YWHAB: variants seen among roughly 807,000 people sequenced by gnomAD.
The protein encoded by YWHAB is 14-3-3 protein beta/alpha.
In YWHAB, 2 loss-of-function variants were observed where a neutral mutation model predicts 28.5. That is an observed-to-expected ratio of 0.07 (90% CI 0.03 to 0.22). The LOEUF is 0.22. Among genes scored for constraint, YWHAB ranks in the 10% least tolerant of loss-of-function variants. The pLI is 1.00. For synonymous variants in YWHAB, 103 were observed against 104.7 expected, an observed-to-expected ratio of 0.98 and a Z score of 0.10; for missense variants, 148 against 297.1, an observed-to-expected ratio of 0.50 and a Z score of 3.69.
Position 44,904,412 on chromosome 20 carries a change from G to A in YWHAB, c.424+296G>A, listed in dbSNP as rs77019878. On this transcript the variant is annotated intron_variant, in intron 3 of 5. Transcript: ENST00000353703. ...GTGAACTTTTTATACTTGGTGGTAC[G>A]AAACTACCCTAGTGATGCATTGCAT... is the stretch of plus-strand genomic sequence containing the variant. 1.3e-4 allele frequency among the ~76,000 whole-genome samples: 20 copies of A among 151,910 alleles called. No individual in the cohort carries two copies. The East Asian group carries it at 2.3e-3, about 18-fold the overall frequency.
At position 44,901,785 on chromosome 20, in the gene YWHAB, C is replaced by T. The variant is rs1373051145; in HGVS notation, c.252C>T (p.Tyr84=). The change falls in exon 2 of 6, where the codon TAC becomes TAT. Residue 84 remains tyrosine (Y), a synonymous_variant. Coordinates refer to ENST00000353703, the MANE Select transcript of YWHAB (RefSeq NM_139323.4). ...NEKKQQMGKE[Y]REKIEAELQD... is the part of the protein sequence containing the mutation. Reference sequence around the variant, plus strand: ...AGAAGCAGCAGATGGGCAAAGAGTACCGTGAGAAGATAGAGGCAGAACTGC... The same window carrying T: ...AGAAGCAGCAGATGGGCAAAGAGTATCGTGAGAAGATAGAGGCAGAACTGC... The T allele has an allele frequency of 6.2e-7, 1 of 1,611,092 alleles. No homozygotes were observed. Among genetic ancestry groups the T allele is most frequent in the Non-Finnish European group, 8.5e-7 (1 of 1,177,540 alleles).
At chr20:44,902,983 G>C in intron 2 of YWHAB, 3 of 916,662 alleles carry the variant, frequency 3.3e-6, no homozygotes, top group Non-Finnish European at 3.9e-6. Context: ...CAACTTTTAA[G>C]AGCATCTGAA....
Position 44,901,710 on chromosome 20 carries a change from T to C in YWHAB, c.177T>C (p.Ser59=). ...AYKNVVGARR[S]SWRVISSIEQ... ...AGAATGTGGTAGGCGCCCGCCGCTCTTCCTGGCGTGTCATCTCCAGCATTG... is the reference window on the plus strand; with the variant it reads ...AGAATGTGGTAGGCGCCCGCCGCTCCTCCTGGCGTGTCATCTCCAGCATTG... The change falls in exon 2 of 6, where the codon TCT becomes TCC. Residue 59 remains serine (S), a synonymous_variant. Transcript: ENST00000353703. The C allele has an allele frequency of 6.2e-7, 1 of 1,614,088 alleles. No homozygotes were observed. Among genetic ancestry groups the C allele is most frequent in the Non-Finnish European group, 8.5e-7 (1 of 1,179,970 alleles).
At chr20:44,886,543 C>G (rs928126347) in intron 1 of YWHAB, 9 of 152,104 alleles carry the variant, frequency 5.9e-5, no homozygotes, top group African/African-American at 2.2e-4. Context: ...GGCCGGATCC[C>G]CAGGAAAAAA....
intron 3 of YWHAB, among the ~76,000 whole-genome samples, chr20:44,904,420 C>T (rs2066644760): frequency 6.6e-6 from 1 of 151,674 alleles, no homozygotes; most frequent in African/African-American, 2.4e-5. Flanking sequence ...ACGAAACTAC[C>T]CTAGTGATGC....
At chr20:44,895,769 A>G (rs565838912) in intron 1 of YWHAB, among the ~76,000 whole-genome samples, 1 of 152,324 alleles carries the variant, frequency 6.6e-6, no homozygotes, top group African/African-American at 2.4e-5. Context: ...GCCTGACTGG[A>G]AGAGTGAATT....
At chr20:44,896,550 G>C (rs1170864857) in intron 1 of YWHAB, among the ~76,000 whole-genome samples, 4 of 152,224 alleles carry the variant, frequency 2.6e-5, no homozygotes, top group African/African-American at 9.6e-5. Flanking sequence ...TTCACTGATA[G>C]GGGAGGAAAT....
At chr20:44,902,997 A>T in intron 2 of YWHAB, 2 of 957,388 alleles carry the variant, frequency 2.1e-6, no homozygotes, top group Non-Finnish European at 2.5e-6. Flanking sequence ...ATCTGAAAGA[A>T]TGTGAAGAAG....
chr20:44,892,265 G>C (rs1444256473), intron 1 of YWHAB, among the ~76,000 whole-genome samples: 2 of 151,904 alleles, frequency 1.3e-5, no homozygotes, highest in Non-Finnish European at 2.9e-5. Flanking sequence ...TATCTGCTTT[G>C]GCCTTTGATT....
intron 1 of YWHAB, among the ~76,000 whole-genome samples, chr20:44,890,999 C>T (rs1188068147): frequency 6.6e-6 from 1 of 152,166 alleles, no homozygotes; most frequent in Non-Finnish European, 1.5e-5. Flanking sequence ...CCTTCACTGG[C>T]TGACCATTGG....
At chr20:44,896,318 T>C (rs1043427800) in intron 1 of YWHAB, among the ~76,000 whole-genome samples, 1 of 152,186 alleles carries the variant, frequency 6.6e-6, no homozygotes, top group Non-Finnish European at 1.5e-5. Flanking sequence ...GGCTATGGCT[T>C]AAACAGCTTA....
intron 1 of YWHAB, among the ~76,000 whole-genome samples, chr20:44,892,969 A>T (rs1321568262): frequency 6.6e-6 from 1 of 152,206 alleles, no homozygotes; most frequent in Non-Finnish European, 1.5e-5. Context: ...CGAATCGAGC[A>T]TGTTCTTTGC....
chr20:44,888,058 A>AG (rs1475982502), intron 1 of YWHAB, among the ~76,000 whole-genome samples: 4 of 152,226 alleles, frequency 2.6e-5, no homozygotes, highest in African/African-American at 9.6e-5. Context: ...TCTCGTCTAT[A>AG]TAGCACAAAT....
chr20:44,903,825 T>C, intron 2 of YWHAB, 168 bp from the exon 3 acceptor site: 1 of 650,606 alleles, frequency 1.5e-6, no homozygotes, highest in South Asian at 2.1e-5. Flanking sequence ...TACAGGCATC[T>C]GCTGTTATGA....
At chr20:44,904,473 A>C (rs2066645117) in intron 3 of YWHAB, among the ~76,000 whole-genome samples, 1 of 151,528 alleles carries the variant, frequency 6.6e-6, no homozygotes, top group Admixed American at 6.6e-5. Flanking sequence ...GGTAATCTTA[A>C]CCACACTTTA....
intron 1 of YWHAB, among the ~76,000 whole-genome samples, chr20:44,899,082 A>G (rs2066612196): frequency 1.3e-5 from 2 of 152,216 alleles, no homozygotes; most frequent in South Asian, 4.1e-4. Flanking sequence ...ACTGAACTCC[A>G]GCCTGGGTGA....
chr20:44,894,261 C>T (rs1188828458), intron 1 of YWHAB, among the ~76,000 whole-genome samples: 2 of 152,152 alleles, frequency 1.3e-5, no homozygotes, highest in African/African-American at 2.4e-5. Context: ...CTTTTGTGGC[C>T]TCTAATGAGT....
At chr20:44,899,000 C>T (rs1262857762) in intron 1 of YWHAB, among the ~76,000 whole-genome samples, 2 of 152,046 alleles carry the variant, frequency 1.3e-5, no homozygotes, top group African/African-American at 2.4e-5. Context: ...CCAGCAGTCC[C>T]AGCTACTCGG....
intron 1 of YWHAB, among the ~76,000 whole-genome samples, chr20:44,897,204 A>C (rs1568930875): frequency 6.6e-6 from 1 of 152,198 alleles, no homozygotes; most frequent in Non-Finnish European, 1.5e-5. Context: ...GGGATAGCTT[A>C]ATTTTGGGGC....
Sources: gnomAD v4.1 joint callset for allele counts (sites outside exome capture counted in the v4.1 genomes callset) on GRCh38, gnomAD v4.1.1 for gene constraint, MANE v1.5 for transcripts, NCBI Gene and HGNC (gene_info 2026-07-23, HGNC 2026-07-21) for gene names.